Variants in THSD7B observed in about 807,000 individuals in gnomAD.
The protein encoded by THSD7B is thrombospondin type 1 domain containing 7B, also known as thrombospondin type-1 domain-containing protein 7B.
In THSD7B, 138 loss-of-function variants were observed where a neutral mutation model predicts 213.6. The ratio of observed to expected loss-of-function variants is 0.65; its 90% CI spans 0.56 to 0.74. THSD7B has a LOEUF of 0.74. Ranked by LOEUF, THSD7B falls within the 30% of genes least tolerant of loss-of-function variation. The pLI, the probability that THSD7B is intolerant of heterozygous loss-of-function variation, is 0.00. For synonymous variants in THSD7B, 742 were observed against 687.0 expected, an observed-to-expected ratio of 1.08 and a Z score of -1.25; for missense variants, 1,931 against 1,991.5, an observed-to-expected ratio of 0.97 and a Z score of 0.58.
intron 4 of THSD7B, among the ~76,000 whole-genome samples, chr2:137,107,693 A>G (rs1165038110): frequency 6.6e-6 from 1 of 152,154 alleles, no homozygotes; most frequent in Non-Finnish European, 1.5e-5. Flanking sequence ...ACGAGTCCCT[A>G]TTGTGCCACT....
At chr2:136,946,893 A>C (rs1186200161) in intron 2 of THSD7B, among the ~76,000 whole-genome samples, 2 of 152,058 alleles carry the variant, frequency 1.3e-5, no homozygotes, top group East Asian at 1.9e-4. Flanking sequence ...GTCTGTCGTG[A>C]CTTCCCTTGG....
At chr2:137,426,288 A>G (rs1439148429) in intron 14 of THSD7B, among the ~76,000 whole-genome samples, 2 of 152,186 alleles carry the variant, frequency 1.3e-5, no homozygotes, top group Admixed American at 6.5e-5. Context: ...AACCCTTATC[A>G]AAACCTCAAT....
chr2:137,615,187 G>A (rs1682360708), intron 17 of THSD7B, among the ~76,000 whole-genome samples: 1 of 152,146 alleles, frequency 6.6e-6, no homozygotes. Flanking sequence ...AAAGTAAGAG[G>A]CAGGGTGATG....
intron 2 of THSD7B, among the ~76,000 whole-genome samples, chr2:136,987,059 T>C (rs1335991979): frequency 6.6e-6 from 1 of 152,240 alleles, no homozygotes; most frequent in Non-Finnish European, 1.5e-5. Flanking sequence ...TATTTCATTA[T>C]CTTTCAGCAT....
intron 4 of THSD7B, among the ~76,000 whole-genome samples, chr2:137,109,494 T>C (rs1289128997): frequency 6.6e-6 from 1 of 152,192 alleles, no homozygotes; most frequent in African/African-American, 2.4e-5. Flanking sequence ...CAACTCACCA[T>C]AATGTAAAAT....
At chr2:136,994,171 T>A (rs1424573381) in intron 2 of THSD7B, among the ~76,000 whole-genome samples, 1 of 152,148 alleles carries the variant, frequency 6.6e-6, no homozygotes, top group Non-Finnish European at 1.5e-5. Context: ...AATACATAAT[T>A]GACGAGGGCT....
chr2:137,445,479 G>T (rs1380742779), intron 14 of THSD7B, among the ~76,000 whole-genome samples: 4 of 151,880 alleles, frequency 2.6e-5, no homozygotes, highest in African/African-American at 9.7e-5. Flanking sequence ...AAATAGAGGA[G>T]ATTATGTTAC....
At chr2:136,998,502 G>A (rs1051014114) in intron 2 of THSD7B, among the ~76,000 whole-genome samples, 1 of 152,144 alleles carries the variant, frequency 6.6e-6, no homozygotes, top group Non-Finnish European at 1.5e-5. Context: ...CCTAATGGCA[G>A]AGGCTGGACT....
At chr2:137,618,302 C>A (rs767988073) in intron 18 of THSD7B, 90 bp from the exon 19 acceptor site, 91 of 998,182 alleles carry the variant, frequency 9.1e-5, no homozygotes, top group Middle Eastern at 4.2e-4. Context: ...GTGGATTATT[C>A]TCCACCAAAG....
chr2:137,055,554 C>CA (rs1687147877), intron 2 of THSD7B, among the ~76,000 whole-genome samples: 1 of 152,134 alleles, frequency 6.6e-6, no homozygotes, highest in Non-Finnish European at 1.5e-5. Flanking sequence ...AGATGAGATG[C>CA]AAAAAATATG....
rs1215185747 is a variant in THSD7B, at chr2:137,590,792, GTTTT to G, written c.3423+18254_3423+18257del. Among the ~76,000 whole-genome samples the G allele has an allele frequency of 5.4e-4, 48 of 88,706 alleles. 1 individual carries two copies. Among genetic ancestry groups the G allele is most frequent in the African/African-American group, 1.5e-3 (38 of 24,584 alleles). 58.2% of individuals were successfully genotyped at this position (88,706 alleles called of 152,430 possible). On this transcript the variant is annotated intron_variant, in intron 17 of 27. Coordinates refer to ENST00000409968, the MANE Select transcript of THSD7B (RefSeq NM_001316349.2). ...GCATTTTTCCCTCTGCTTTGAAATA[GTTTT>G]TTTTTTTTTTTTTTTTTAGCTAAGG...
At position 137,662,229 on chromosome 2, in the gene THSD7B, A is replaced by ATTTTTTTTTTTTT. The variant is rs36040861; in HGVS notation, c.4459-1142_4459-1141insTTTTTTTTTTTTT. ...AGATGCCCGCCACGACGCCCGGCTAATTTTTTTTTTTTCTTTTTTTTTTTT... is the reference window on the plus strand; with the variant it reads ...AGATGCCCGCCACGACGCCCGGCTAATTTTTTTTTTTTTTTTTTTTTTTTTCTTTTTTTTTTTT... On this transcript the variant is annotated intron_variant, in intron 25 of 27. Transcript: ENST00000409968. Among the ~76,000 whole-genome samples, 28 of 101,832 alleles carry ATTTTTTTTTTTTT rather than the reference A, an allele frequency of 2.7e-4. 1 individual carries two copies. The highest frequency in any genetic ancestry group is 3.4e-4 in the South Asian group (1 of 2,956). 66.8% of individuals were successfully genotyped at this position (101,832 alleles called of 152,430 possible). A position where few individuals can be genotyped will look rare whatever the true frequency, so the allele number is the denominator to read the frequency against.
At chr2:136,832,357 G>T (rs1468080189) in intron 1 of THSD7B, among the ~76,000 whole-genome samples, 1 of 152,130 alleles carries the variant, frequency 6.6e-6, no homozygotes, top group Non-Finnish European at 1.5e-5. Context: ...AACCAGGGGG[G>T]TGGATGGTTT....
At chr2:136,938,804 G>T (rs142644578) in intron 2 of THSD7B, among the ~76,000 whole-genome samples, 393 of 152,284 alleles carry the variant, frequency 2.6e-3, no homozygotes, top group African/African-American at 9.1e-3. Flanking sequence ...GTCCAATTCT[G>T]TAATAGAGTA....
At chr2:136,873,516 G>A (rs183259625) in intron 1 of THSD7B, among the ~76,000 whole-genome samples, 2 of 152,310 alleles carry the variant, frequency 1.3e-5, no homozygotes, top group East Asian at 3.9e-4. Flanking sequence ...CGCAGGGTCA[G>A]TGTGAATCTT....
chr2:137,087,145 G>C (rs35528804), intron 3 of THSD7B, among the ~76,000 whole-genome samples: 12,625 of 152,006 alleles, frequency 0.083, 743 homozygotes, highest in African/African-American at 0.16. Context: ...ATCTTTTCCA[G>C]AGCAATATGT....
chr2:137,371,430 C>T (rs1267753949), intron 12 of THSD7B, among the ~76,000 whole-genome samples: 1 of 152,152 alleles, frequency 6.6e-6, no homozygotes. Context: ...TCAATGGAGA[C>T]AAGGAATCAA....
intron 15 of THSD7B, among the ~76,000 whole-genome samples, chr2:137,518,149 T>G (rs1331604073): frequency 6.6e-6 from 1 of 152,078 alleles, no homozygotes; most frequent in South Asian, 2.1e-4. Context: ...ATGCCCATGG[T>G]CTCCACTCCT....
chr2:137,419,788 T>A (rs1686883315), intron 14 of THSD7B, among the ~76,000 whole-genome samples: 2 of 151,916 alleles, frequency 1.3e-5, no homozygotes, highest in Admixed American at 1.3e-4. Flanking sequence ...CAGATTTCAC[T>A]GGGGACCTGT....
Sources: gnomAD v4.1 joint callset for allele counts (sites outside exome capture counted in the v4.1 genomes callset) on GRCh38, gnomAD v4.1.1 for gene constraint, MANE v1.5 for transcripts, NCBI Gene and HGNC (gene_info 2026-07-23, HGNC 2026-07-21) for gene names.